The following MEIS2 variants were observed in gnomAD, a reference collection of about 807,000 sequenced individuals.
MEIS2 encodes the protein homeobox protein Meis2.
Under a neutral mutation model 58.6 loss-of-function variants are expected in MEIS2, and 9 were observed. The observed-to-expected ratio is 0.15, with a 90% CI of 0.09 to 0.27. The LOEUF is 0.27. Ranked by LOEUF, MEIS2 falls within the 10% of genes least tolerant of loss-of-function variation. MEIS2 has a pLI of 1.00. For synonymous variants in MEIS2, 221 were observed against 228.4 expected, an observed-to-expected ratio of 0.97 and a Z score of 0.29; for missense variants, 427 against 635.0, an observed-to-expected ratio of 0.67 and a Z score of 3.52.
intron 9 of MEIS2, among the ~76,000 whole-genome samples, chr15:36,912,938 C>T (rs1206961091): frequency 1.3e-5 from 2 of 151,890 alleles, no homozygotes; most frequent in South Asian, 2.1e-4. Context: ...TGTGGAAGGG[C>T]TTGAAGGTTT....
At chr15:36,996,003 GTATATATATATACA>G (rs1462501719) in intron 8 of MEIS2, among the ~76,000 whole-genome samples, 1 of 39,914 alleles carries the variant, frequency 2.5e-5, no homozygotes, top group African/African-American at 6.7e-5. Flanking sequence ...ATATATATAT[GTATATATATATACA>G]TATGTGTATA....
chr15:37,097,320 C>A (rs1413809400), intron 2 of MEIS2: 1 of 152,138 alleles, frequency 6.6e-6, no homozygotes, highest in East Asian at 1.9e-4. Context: ...TGCATCTCAC[C>A]CCTCGCCAAG....
rs2055782969 is a variant in MEIS2 at position 36,889,529 on chromosome 15, ATG to A, written c.*2642_*2643del. ...AATATTTAAGAAGGTTAAAGTTAAC[ATG>A]ATAGGACGTGGGTTTGACGAATAAA... On this transcript the variant is annotated 3_prime_UTR_variant, in exon 12 of 12. Coordinates refer to ENST00000561208, the MANE Select transcript of MEIS2 (RefSeq NM_170675.5). The A allele has an allele frequency of 6.6e-6, 1 of 152,230 alleles. No homozygotes were observed. Among genetic ancestry groups the A allele is most frequent in the Non-Finnish European group, 1.5e-5 (1 of 68,032 alleles). The allele number at this position is 152,230 out of a possible 1,614,324, so 9.4% of individuals were successfully genotyped here.
chr15:37,084,375 CA>C (rs1892623624), intron 6 of MEIS2, among the ~76,000 whole-genome samples: 1 of 152,176 alleles, frequency 6.6e-6, no homozygotes, highest in Admixed American at 6.5e-5. Flanking sequence ...ATGTATGGGA[CA>C]GCCCTTGACA....
At chr15:36,910,418 T>C (rs1567039586) in intron 9 of MEIS2, among the ~76,000 whole-genome samples, 1 of 151,816 alleles carries the variant, frequency 6.6e-6, no homozygotes, top group Non-Finnish European at 1.5e-5. Flanking sequence ...TTTAATAGAG[T>C]GATATATATT....
chr15:36,968,229 T>C (rs1448443621), intron 8 of MEIS2, among the ~76,000 whole-genome samples: 3 of 152,212 alleles, frequency 2.0e-5, no homozygotes, highest in Non-Finnish European at 2.9e-5. Flanking sequence ...TACTTTGAAG[T>C]GATTTTTTCT....
chr15:36,930,059 C>T lies in MEIS2; in HGVS notation c.977+20265G>A, dbSNP rs188184689. On this transcript the variant is annotated intron_variant, in intron 9 of 11. Transcript: ENST00000561208. ...CTCTACTAAAAATACAAAAATTAGC[C>T]GACTGCCATGGTGGGCACCTGTAAT... 1.3e-3 allele frequency among the ~76,000 whole-genome samples: 204 copies of T among 151,708 alleles called. 2 individuals are homozygous for T. The highest frequency in any genetic ancestry group is 4.6e-3 in the African/African-American group (191 of 41,362).
chr15:37,065,662 C>T (rs766301137), intron 7 of MEIS2, among the ~76,000 whole-genome samples: 2 of 152,148 alleles, frequency 1.3e-5, no homozygotes, highest in Non-Finnish European at 2.9e-5. Context: ...GAGAACACTT[C>T]CAGTAGGTTA....
At chr15:36,984,077 G>A (rs529114290) in intron 8 of MEIS2, among the ~76,000 whole-genome samples, 1 of 151,906 alleles carries the variant, frequency 6.6e-6, no homozygotes, top group Admixed American at 6.6e-5. Context: ...GTACATATAA[G>A]ATTATGTCAT....
chr15:36,996,033 A>ATG (rs1491392665), intron 8 of MEIS2, among the ~76,000 whole-genome samples: 43 of 99,642 alleles, frequency 4.3e-4, no homozygotes, highest in African/African-American at 1.3e-3. Context: ...GTATATATAT[A>ATG]CACACACACA....
chr15:36,939,314 C>T (rs888063165), intron 9 of MEIS2, among the ~76,000 whole-genome samples: 3 of 152,154 alleles, frequency 2.0e-5, no homozygotes, highest in African/African-American at 7.2e-5. Flanking sequence ...CCCTTTGTCA[C>T]ATAAAAGGCA....
chr15:37,061,494 A>G (rs560497376), intron 7 of MEIS2, among the ~76,000 whole-genome samples: 9 of 152,334 alleles, frequency 5.9e-5, no homozygotes, highest in South Asian at 2.1e-4. Context: ...GGGTAAAATC[A>G]CCAAACTACT....
chr15:37,097,919 C>G (rs1373362629), intron 2 of MEIS2, 48 bp downstream of exon 2: 1 of 1,525,506 alleles, frequency 6.6e-7, no homozygotes, highest in Non-Finnish European at 8.9e-7. Context: ...GACAAACACA[C>G]ACTCTCACAC....
At chr15:36,985,921 G>A (rs1157795603) in intron 8 of MEIS2, among the ~76,000 whole-genome samples, 1 of 152,110 alleles carries the variant, frequency 6.6e-6, no homozygotes, top group Non-Finnish European at 1.5e-5. Context: ...TCAATAAAGA[G>A]GTATGGTATG....
At chr15:36,973,617 G>A (rs940889643) in intron 8 of MEIS2, among the ~76,000 whole-genome samples, 9 of 152,086 alleles carry the variant, frequency 5.9e-5, no homozygotes, top group Non-Finnish European at 1.2e-4. Flanking sequence ...AATTGCCATG[G>A]TAAAATACAA....
chr15:36,960,012 C>T (rs772447713), intron 8 of MEIS2, among the ~76,000 whole-genome samples: 2 of 151,274 alleles, frequency 1.3e-5, no homozygotes, highest in Non-Finnish European at 3.0e-5. Context: ...TCTTTAGTAA[C>T]AGGAAAAAAA....
intron 8 of MEIS2, among the ~76,000 whole-genome samples, chr15:36,955,074 A>G (rs1226597782): frequency 6.6e-6 from 1 of 152,212 alleles, no homozygotes; most frequent in East Asian, 1.9e-4. Context: ...AGCCCTGAAT[A>G]AATAAACGCA....
intron 9 of MEIS2, among the ~76,000 whole-genome samples, chr15:36,927,280 A>G (rs2057787002): frequency 6.6e-6 from 1 of 152,178 alleles, no homozygotes; most frequent in African/African-American, 2.4e-5. Context: ...GTAAGGGAGC[A>G]TATAAACCAG....
intron 9 of MEIS2, among the ~76,000 whole-genome samples, chr15:36,929,695 G>A (rs907965709): frequency 6.6e-6 from 1 of 152,216 alleles, no homozygotes; most frequent in Non-Finnish European, 1.5e-5. Flanking sequence ...CACCATGGCA[G>A]GTATTTATGC....
Sources: allele counts gnomAD v4.1 joint callset (sites outside exome capture counted in the v4.1 genomes callset), GRCh38; gene constraint gnomAD v4.1.1; transcripts MANE v1.5; gene names NCBI Gene and HGNC (gene_info 2026-07-23, HGNC 2026-07-21).